The following NLGN1 variants were observed in gnomAD, a reference collection of about 807,000 sequenced individuals.
The protein encoded by NLGN1 is neuroligin-1.
NLGN1 carries 12 observed loss-of-function variants against 65.5 expected under a neutral mutation model. The ratio of observed to expected loss-of-function variants is 0.18; its 90% CI spans 0.12 to 0.30. The LOEUF (loss-of-function observed/expected upper bound fraction) is 0.30. Among genes scored for constraint, NLGN1 ranks in the 10% least tolerant of loss-of-function variants. NLGN1 has a pLI of 1.00. For missense variants in NLGN1, 750 were observed against 1,007.1 expected (o/e 0.74, Z 3.46); for synonymous variants, 350 against 359.5 (o/e 0.97, Z 0.30).
intron 2 of NLGN1, among the ~76,000 whole-genome samples, chr3:173,531,483 A>G (rs1241342238): frequency 6.6e-6 from 1 of 151,862 alleles, no homozygotes; most frequent in Non-Finnish European, 1.5e-5. Flanking sequence ...TTTGAAAGCT[A>G]TTTCTAGCAC....
intron 3 of NLGN1, among the ~76,000 whole-genome samples, chr3:173,648,032 A>G (rs970896429): frequency 1.3e-5 from 2 of 152,114 alleles, no homozygotes; most frequent in Non-Finnish European, 2.9e-5. Flanking sequence ...TCTTAAAAGG[A>G]AAGAAATTGA....
At chr3:173,927,348 G>C (rs183482065) in intron 4 of NLGN1, among the ~76,000 whole-genome samples, 2 of 152,208 alleles carry the variant, frequency 1.3e-5, no homozygotes, top group South Asian at 2.1e-4. Context: ...GGCATGAGCC[G>C]CCATGCCCAG....
intron 2 of NLGN1, among the ~76,000 whole-genome samples, chr3:173,534,188 G>T (rs1737071733): frequency 6.6e-6 from 1 of 152,064 alleles, no homozygotes; most frequent in South Asian, 2.1e-4. Flanking sequence ...TATTTTAAAA[G>T]AACTATAATG....
rs1729549212 is a variant in NLGN1, at chr3:173,493,712, A to G, written c.-321+58634A>G. On this transcript the variant is annotated intron_variant, in intron 2 of 6. Transcript: ENST00000457714. ...TTGTCCACATTCACACAACCAGTAA[A>G]TGGAAAACTGGATTAAAATGTAGGC... 2.0e-5 allele frequency among the ~76,000 whole-genome samples: 3 copies of G among 151,806 alleles called. 1 individual carries two copies. Among genetic ancestry groups the G allele is most frequent in the South Asian group, 2.1e-4 (1 of 4,832 alleles).
intron 2 of NLGN1, among the ~76,000 whole-genome samples, chr3:173,567,587 TG>T (rs1266682347): frequency 1.3e-5 from 2 of 151,532 alleles, no homozygotes; most frequent in Admixed American, 1.3e-4. Context: ...TTAAATCGTA[TG>T]CTGAACATTT....
chr3:174,052,446 G>A (rs1166939451), intron 4 of NLGN1, among the ~76,000 whole-genome samples: 1 of 151,726 alleles, frequency 6.6e-6, no homozygotes, highest in East Asian at 1.9e-4. Context: ...TAATAAATAA[G>A]CATCAAAACA....
At position 174,011,360 on chromosome 3, in the gene NLGN1, G is replaced by A. The variant is rs1040227108; in HGVS notation, c.646+203528G>A. Reference sequence around the variant, plus strand: ...TGTGCCTTCACTTTTTTAACTGACTGAAGGGAAGGTGGTTCTAATTTCACA... The same window carrying A: ...TGTGCCTTCACTTTTTTAACTGACTAAAGGGAAGGTGGTTCTAATTTCACA... On this transcript the variant is annotated intron_variant, in intron 4 of 6. Coordinates refer to ENST00000457714, the Ensembl canonical transcript of NLGN1. 6.6e-5 allele frequency among the ~76,000 whole-genome samples: 10 copies of A among 152,214 alleles called. No homozygotes were observed. In the East Asian group the frequency reaches 1.7e-3, roughly 26 times the overall value.
chr3:174,115,450 T>C (rs1280148354), intron 4 of NLGN1, among the ~76,000 whole-genome samples: 4 of 152,196 alleles, frequency 2.6e-5, no homozygotes, highest in South Asian at 2.1e-4. Flanking sequence ...TGCATTACCC[T>C]AAGCAAATCT....
chr3:173,989,408 A>C (rs1009747811), intron 4 of NLGN1, among the ~76,000 whole-genome samples: 5 of 152,192 alleles, frequency 3.3e-5, no homozygotes, highest in African/African-American at 1.2e-4. Context: ...CATGGGCAAC[A>C]CTTGAATGTG....
intron 3 of NLGN1, among the ~76,000 whole-genome samples, chr3:173,745,493 A>T (rs1258747465): frequency 6.6e-6 from 1 of 151,452 alleles, no homozygotes; most frequent in Non-Finnish European, 1.5e-5. Flanking sequence ...AGAGTTGGTT[A>T]TTTATTTATT....
chr3:173,560,640 A>G (rs1450483001), intron 2 of NLGN1, among the ~76,000 whole-genome samples: 1 of 152,166 alleles, frequency 6.6e-6, no homozygotes, highest in African/African-American at 2.4e-5. Flanking sequence ...GCATGTTCAA[A>G]TTTCAGAGGT....
rs961483996 is a variant in NLGN1 at position 173,417,326 on chromosome 3, T to C, written c.-389-17684T>C. On this transcript the variant is annotated intron_variant, in intron 1 of 6. Coordinates refer to ENST00000457714, the Ensembl canonical transcript of NLGN1. ...ATGGTCTTTTTCAATTTTAAGACTA[T>C]AGAATTAAGTAATTTTAAAAGCTCA... Among the ~76,000 whole-genome samples the C allele has an allele frequency of 3.3e-5, 5 of 151,950 alleles. No individual in the cohort carries two copies. The East Asian group carries it at 5.8e-4, about 18-fold the overall frequency.
intron 2 of NLGN1, among the ~76,000 whole-genome samples, chr3:173,460,459 A>C (rs981602520): frequency 6.6e-6 from 1 of 152,148 alleles, no homozygotes; most frequent in African/African-American, 2.4e-5. Flanking sequence ...GCTTCTTCCC[A>C]TAATAGTTCA....
chr3:174,209,540 T>G (rs1736041420), intron 4 of NLGN1, among the ~76,000 whole-genome samples: 1 of 152,030 alleles, frequency 6.6e-6, no homozygotes. Flanking sequence ...TGGAGTAGAC[T>G]TATATTGTCA....
chr3:173,824,663 C>A (rs1329838767), intron 4 of NLGN1, among the ~76,000 whole-genome samples: 1 of 151,866 alleles, frequency 6.6e-6, no homozygotes, highest in African/African-American at 2.4e-5. Context: ...TTTCTTTTTT[C>A]TTTTATAAAA....
chr3:174,126,529 T>C (rs953917280), intron 4 of NLGN1, among the ~76,000 whole-genome samples: 1 of 152,142 alleles, frequency 6.6e-6, no homozygotes, highest in Admixed American at 6.6e-5. Flanking sequence ...GTAACTTAAT[T>C]GTTAGGATAC....
chr3:174,116,026 GA>G (rs1716333825), intron 4 of NLGN1, among the ~76,000 whole-genome samples: 2 of 152,056 alleles, frequency 1.3e-5, no homozygotes, highest in Admixed American at 6.6e-5. Context: ...AAAACTCTGA[GA>G]ATATTAAAAC....
At chr3:173,988,205 G>A (rs374880443) in intron 4 of NLGN1, among the ~76,000 whole-genome samples, 18 of 152,058 alleles carry the variant, frequency 1.2e-4, no homozygotes, top group African/African-American at 3.6e-4. Flanking sequence ...AATACAACCC[G>A]TCTATAATCT....
At chr3:173,400,834 A>C (rs1309366866) in intron 1 of NLGN1, among the ~76,000 whole-genome samples, 1 of 152,242 alleles carries the variant, frequency 6.6e-6, no homozygotes, top group Non-Finnish European at 1.5e-5. Context: ...ATGAATAGTA[A>C]ATGTATTATT....
Sources: allele counts gnomAD v4.1 joint callset (sites outside exome capture counted in the v4.1 genomes callset), GRCh38; gene constraint gnomAD v4.1.1; transcripts MANE v1.5; gene names NCBI Gene and HGNC (gene_info 2026-07-23, HGNC 2026-07-21).